The following MBD5 variants were observed in gnomAD, a reference collection of about 807,000 sequenced individuals.
MBD5 encodes methyl-CpG-binding domain protein 5.
In MBD5, 13 loss-of-function variants were observed where a neutral mutation model predicts 117.3. That is an observed-to-expected ratio of 0.11 (90% CI 0.07 to 0.18). MBD5 has a LOEUF of 0.18. Among genes scored for constraint, MBD5 ranks in the 10% least tolerant of loss-of-function variants. The pLI, the probability that MBD5 is intolerant of heterozygous loss-of-function variation, is 1.00. For synonymous variants in MBD5, 727 were observed against 766.4 expected (o/e 0.95, Z 0.85); for missense variants, 1,879 against 2,093.8 (o/e 0.90, Z 2.00).
At chr2:148,355,382 C>T (rs763054634) in intron 4 of MBD5, among the ~76,000 whole-genome samples, 9 of 151,286 alleles carry the variant, frequency 5.9e-5, no homozygotes, top group Non-Finnish European at 1.0e-4. Flanking sequence ...TGGTATTGCC[C>T]GGGTTTTCTT....
intron 4 of MBD5, among the ~76,000 whole-genome samples, chr2:148,441,250 C>A (rs34415030): frequency 0.26 from 39,184 of 151,862 alleles, 6,037 homozygotes; most frequent in African/African-American, 0.43. Flanking sequence ...TGCTGTCCCT[C>A]CCCCTACCCC....
chr2:148,317,369 CA>C (rs916452192), intron 3 of MBD5, among the ~76,000 whole-genome samples: 102 of 141,918 alleles, frequency 7.2e-4, no homozygotes, highest in Non-Finnish European at 1.2e-3. Flanking sequence ...AACTCCGCCT[CA>C]AAAAAAAAAA....
At chr2:148,121,468 C>T (rs1696767023) in intron 1 of MBD5, among the ~76,000 whole-genome samples, 1 of 151,684 alleles carries the variant, frequency 6.6e-6, no homozygotes, top group Admixed American at 6.6e-5. Context: ...TTCAAGCAAA[C>T]TTCTCTATGG....
In MBD5 at chr2:148,483,442, T is replaced by C. The variant is rs781716876; in HGVS notation, c.2851T>C (p.Ser951Pro). 1 of 1,613,958 alleles carries C rather than the reference T, an allele frequency of 6.2e-7. No homozygotes were observed. Among genetic ancestry groups the C allele is most frequent in the Non-Finnish European group, 8.5e-7 (1 of 1,179,960 alleles). The change falls in exon 9 of 14, where the codon TCT (serine) becomes CCT (proline). Residue 951 changes from serine to proline, a missense_variant. Ser to Pro is a moderately conservative substitution (Grantham distance 74). Around this residue, in one of 4 missense-constraint regions of MBD5, gnomAD observed 1,666 missense variants for 1,792.2 expected, o/e 0.93. Transcript: ENST00000642680. ...ILQPSAGEGK[S>P]EINLHPLGFL... ...CCAGCCTTCAGCAGGAGAAGGCAAG[T>C]CTGAGATCAACCTCCACCCTTTAGG...
chr2:148,464,014 C>A, intron 7 of MBD5, 95 bp downstream of exon 7: 1 of 1,229,822 alleles, frequency 8.1e-7, no homozygotes, highest in Non-Finnish European at 1.1e-6. Flanking sequence ...TTCTACTTTT[C>A]AGGCACGCAC....
chr2:148,040,861 G>A (rs1171141707), intron 1 of MBD5, among the ~76,000 whole-genome samples: 1 of 152,072 alleles, frequency 6.6e-6, no homozygotes, highest in African/African-American at 2.4e-5. Flanking sequence ...GAGGGTGGAG[G>A]CCCTGGTATT....
At chr2:148,481,937 C>CT (rs1321147730) in intron 8 of MBD5, 2 of 152,042 alleles carry the variant, frequency 1.3e-5, no homozygotes, top group East Asian at 3.8e-4. Context: ...TAGTGTAAGG[C>CT]TTTTAAGAAT....
chr2:148,457,379 C>CT, intron 4 of MBD5, among the ~76,000 whole-genome samples: 1 of 152,070 alleles, frequency 6.6e-6, no homozygotes, highest in East Asian at 1.9e-4. Flanking sequence ...AAAAAGGCTT[C>CT]TTTACAAAAA....
chr2:148,151,111 G>A (rs1390230852), intron 1 of MBD5, among the ~76,000 whole-genome samples: 49 of 149,024 alleles, frequency 3.3e-4, no homozygotes, highest in African/African-American at 6.2e-4. Context: ...TTTGAAATAC[G>A]TCCCATCAAT....
intron 3 of MBD5, among the ~76,000 whole-genome samples, chr2:148,322,221 C>G (rs1038860755): frequency 6.6e-6 from 1 of 152,188 alleles, no homozygotes; most frequent in South Asian, 2.1e-4. Context: ...AAAATATGGA[C>G]TAAAGTATTT....
At chr2:148,323,784 T>C (rs530665180) in intron 3 of MBD5, among the ~76,000 whole-genome samples, 6 of 152,250 alleles carry the variant, frequency 3.9e-5, no homozygotes, top group East Asian at 1.9e-4. Context: ...TTCTCCCATT[T>C]TGTAGGTTGC....
intron 3 of MBD5, among the ~76,000 whole-genome samples, chr2:148,324,755 A>G (rs1201008624): frequency 6.6e-6 from 1 of 152,192 alleles, no homozygotes; most frequent in Admixed American, 6.5e-5. Context: ...GGGGTTGTCT[A>G]GATATACAAT....
chr2:148,205,752 G>A (rs982635736), intron 2 of MBD5, among the ~76,000 whole-genome samples: 6 of 152,148 alleles, frequency 3.9e-5, no homozygotes, highest in Non-Finnish European at 1.5e-5. Context: ...TAGGCAGGCT[G>A]CAATGGCTCA....
chr2:148,492,010 C>CT (rs1681541145), intron 11 of MBD5, among the ~76,000 whole-genome samples: 1 of 151,812 alleles, frequency 6.6e-6, no homozygotes, highest in South Asian at 2.1e-4. Context: ...AGCATTCTCC[C>CT]TGTCCTAAAT....
chr2:148,100,557 T>TAGG (rs1441948972), intron 1 of MBD5, among the ~76,000 whole-genome samples: 1 of 152,164 alleles, frequency 6.6e-6, no homozygotes, highest in Non-Finnish European at 1.5e-5. Flanking sequence ...ACTTGAGGAC[T>TAGG]AGGAGGCTGT....
At chr2:148,292,156 C>A (rs191539349) in intron 3 of MBD5, among the ~76,000 whole-genome samples, 78 of 152,212 alleles carry the variant, frequency 5.1e-4, no homozygotes, top group African/African-American at 1.8e-3. Flanking sequence ...TTGATCTGGG[C>A]AAATATTTCT....
At chr2:148,443,535 C>T (rs1184061427) in intron 4 of MBD5, among the ~76,000 whole-genome samples, 2 of 151,330 alleles carry the variant, frequency 1.3e-5, no homozygotes, top group African/African-American at 4.9e-5. Flanking sequence ...AGTATATATA[C>T]ACAATGGAGT....
rs77503002 is a variant in MBD5, at chr2:148,105,471, G to A, written c.-924-73229G>A. ...TGACCTCAAGTAATCTGCCCGGATC[G>A]GCCTCCCAGTGTGCTGGGATTGCAG... is the stretch of plus-strand genomic sequence containing the variant. On this transcript the variant is annotated intron_variant, in intron 1 of 13. Coordinates refer to ENST00000642680, the MANE Select transcript of MBD5 (RefSeq NM_001378120.1). Among the ~76,000 whole-genome samples the A allele has an allele frequency of 4.8e-3, 731 of 152,060 alleles. 3 individuals are homozygous for A. Among genetic ancestry groups the A allele is most frequent in the Non-Finnish European group, 7.0e-3 (477 of 67,956 alleles).
intron 2 of MBD5, among the ~76,000 whole-genome samples, chr2:148,202,016 A>T (rs988309435): frequency 6.6e-6 from 1 of 152,174 alleles, no homozygotes; most frequent in Non-Finnish European, 1.5e-5. Context: ...ATTTGTAGCT[A>T]GGCTTTAAAC....
Sources: gnomAD v4.1 joint callset for allele counts (sites outside exome capture counted in the v4.1 genomes callset) on GRCh38, gnomAD v4.1.1 for gene constraint, gnomAD v4.1.1 regional missense constraint, MANE v1.5 for transcripts, NCBI Gene and HGNC (gene_info 2026-07-23, HGNC 2026-07-21) for gene names.